Variants in IQCM observed in about 807,000 individuals in gnomAD.
IQCM encodes the protein IQ motif containing M, also known as IQ domain-containing protein M.
A neutral mutation model predicts 57.6 loss-of-function variants in IQCM; 45 were observed. The observed-to-expected ratio is 0.78, with a 90% CI of 0.62 to 1.00. IQCM has a LOEUF of 1.00. Ranked by LOEUF, IQCM falls within the 50% of genes least tolerant of loss-of-function variation. The pLI is 0.00. For synonymous variants in IQCM, 148 were observed against 158.9 expected (o/e 0.93, Z 0.51); for missense variants, 468 against 511.6 (o/e 0.91, Z 0.82).
At position 149,777,200 on chromosome 4, in the gene IQCM, C is replaced by G. The variant is rs564273548; in HGVS notation, c.-48-34461G>C. 3.3e-5 allele frequency among the ~76,000 whole-genome samples: 5 copies of G among 152,248 alleles called. 1 individual carries two copies. Among genetic ancestry groups the G allele is most frequent in the African/African-American group, 1.2e-4 (5 of 41,540 alleles). The stretch of plus-strand genomic sequence containing the variant: ...AAAGAGACTGTCTGAAATTCTGCAC[C>G]TCATCTTTGACCACTGGCAGCAAAT... On this transcript the variant is annotated intron_variant, in intron 2 of 13. Coordinates refer to ENST00000636793, the MANE Select transcript of IQCM (RefSeq NM_001363507.2).
At chr4:149,776,330 A>G (rs1404589749) in intron 2 of IQCM, among the ~76,000 whole-genome samples, 2 of 152,060 alleles carry the variant, frequency 1.3e-5, no homozygotes, top group Non-Finnish European at 2.9e-5. Context: ...TACTATCCCC[A>G]CTTTTAGATG....
intron 8 of IQCM, among the ~76,000 whole-genome samples, chr4:149,617,461 T>C (rs1466262413): frequency 6.6e-6 from 1 of 152,148 alleles, no homozygotes; most frequent in Non-Finnish European, 1.5e-5. Flanking sequence ...CTCTCATATT[T>C]ATTCAGACAC....
At chr4:149,516,856 A>G (rs930557791) in intron 12 of IQCM, among the ~76,000 whole-genome samples, 2 of 151,952 alleles carry the variant, frequency 1.3e-5, no homozygotes, top group African/African-American at 4.8e-5. Flanking sequence ...GGTCACTTCC[A>G]CCTTTAAGTC....
In IQCM at chr4:149,546,390, G is replaced by A. The variant is rs561895299; in HGVS notation, c.1228+2065C>T. Among the ~76,000 whole-genome samples, 21 of 152,230 alleles carry A rather than the reference G, an allele frequency of 1.4e-4. No individual in the cohort carries two copies. In the South Asian group the frequency reaches 1.7e-3, roughly 12 times the overall value. ...TCTAGTTCTAGATCCCTGAGGAATC[G>A]CCACACTGTCTTCCACAATGGTTGA... On this transcript the variant is annotated intron_variant, in intron 12 of 13. Coordinates refer to ENST00000636793, the MANE Select transcript of IQCM (RefSeq NM_001363507.2).
intron 2 of IQCM, among the ~76,000 whole-genome samples, chr4:149,746,913 C>A (rs1309257541): frequency 1.3e-5 from 2 of 152,156 alleles, no homozygotes; most frequent in Non-Finnish European, 2.9e-5. Flanking sequence ...GAGTCTAGAC[C>A]AGGCCACTTC....
At chr4:149,362,144 T>C (rs1327751388) in intron 13 of IQCM, among the ~76,000 whole-genome samples, 3 of 152,172 alleles carry the variant, frequency 2.0e-5, no homozygotes, top group East Asian at 1.9e-4. Flanking sequence ...ATTTCTCCCA[T>C]ATGGGATGGT....
intron 8 of IQCM, among the ~76,000 whole-genome samples, chr4:149,616,091 C>A (rs1755767909): frequency 6.6e-6 from 1 of 151,946 alleles, no homozygotes; most frequent in Admixed American, 6.6e-5. Context: ...TAGCATTACA[C>A]TTCTGGGTAC....
At chr4:149,806,240 C>T (rs1444438319) in intron 2 of IQCM, among the ~76,000 whole-genome samples, 1 of 151,606 alleles carries the variant, frequency 6.6e-6, no homozygotes, top group Non-Finnish European at 1.5e-5. Context: ...GATTATTTTT[C>T]CAGGATATTA....
intron 7 of IQCM, among the ~76,000 whole-genome samples, chr4:149,637,352 A>G (rs1393273996): frequency 6.6e-6 from 1 of 152,114 alleles, no homozygotes; most frequent in Non-Finnish European, 1.5e-5. Flanking sequence ...GTACACTCAA[A>G]CTATAGAACA....
At chr4:149,769,703 T>G (rs2149984202) in intron 2 of IQCM, among the ~76,000 whole-genome samples, 1 of 151,948 alleles carries the variant, frequency 6.6e-6, no homozygotes, top group East Asian at 1.9e-4. Flanking sequence ...TTCATAATAA[T>G]AAAGGGGTCA....
intron 13 of IQCM, among the ~76,000 whole-genome samples, chr4:149,386,698 T>C (rs1731451481): frequency 6.6e-6 from 1 of 152,080 alleles, no homozygotes; most frequent in South Asian, 2.1e-4. Flanking sequence ...TCTAAGTCTC[T>C]TAATCTGAAC....
Position 149,750,668 on chromosome 4 carries a change from C to A in IQCM, c.-48-7929G>T, listed in dbSNP as rs1229344398. 2.6e-5 allele frequency among the ~76,000 whole-genome samples: 4 copies of A among 152,288 alleles called. No individual in the cohort carries two copies. The East Asian group carries it at 5.8e-4, about 22-fold the overall frequency. On this transcript the variant is annotated intron_variant, in intron 2 of 13. Transcript: ENST00000636793. ...AACAGTGCTGTTATAAAAGTACATT[C>A]TCCCAGTTATTAATCTCACATGCCT...
chr4:149,637,639 C>G (rs1757841031), intron 7 of IQCM, among the ~76,000 whole-genome samples: 1 of 152,084 alleles, frequency 6.6e-6, no homozygotes, highest in African/African-American at 2.4e-5. Context: ...TAATATAAAG[C>G]TACAGTATTA....
chr4:149,815,059 G>T (rs774817665), intron 2 of IQCM, among the ~76,000 whole-genome samples: 32 of 151,992 alleles, frequency 2.1e-4, no homozygotes, highest in Non-Finnish European at 3.4e-4. Context: ...TCTCAAATAA[G>T]TGGTGGTCTC....
At chr4:149,492,207 C>T (rs1184473756) in intron 12 of IQCM, among the ~76,000 whole-genome samples, 1 of 152,008 alleles carries the variant, frequency 6.6e-6, no homozygotes, top group Non-Finnish European at 1.5e-5. Flanking sequence ...ATAGGGTTTT[C>T]TCTTTACAGT....
chr4:149,774,830 C>T (rs1170703886), intron 2 of IQCM, among the ~76,000 whole-genome samples: 1 of 151,004 alleles, frequency 6.6e-6, no homozygotes, highest in Non-Finnish European at 1.5e-5. Flanking sequence ...CTGCCTTTCC[C>T]AGGAGGAAAG....
chr4:149,354,093 G>T (rs570374352), intron 13 of IQCM, among the ~76,000 whole-genome samples: 2 of 151,824 alleles, frequency 1.3e-5, no homozygotes, highest in Non-Finnish European at 2.9e-5. Flanking sequence ...GGCCAGGCGC[G>T]GTGGCTCACG....
chr4:149,806,639 T>A lies in IQCM; in HGVS notation c.-49+8672A>T, dbSNP rs1011038304. On this transcript the variant is annotated intron_variant, in intron 2 of 13. Transcript: ENST00000636793. ...TAATGAACTTTTATAAGTAAGTCCC[T>A]GGTTACATTTTATTAAATAATAGCT... 1.7e-4 allele frequency among the ~76,000 whole-genome samples: 26 copies of A among 152,114 alleles called. 1 individual carries two copies. Among genetic ancestry groups the A allele is most frequent in the African/African-American group, 6.0e-4 (25 of 41,574 alleles).
chr4:149,613,822 T>C (rs1404412323), intron 8 of IQCM, among the ~76,000 whole-genome samples: 2 of 152,080 alleles, frequency 1.3e-5, no homozygotes, highest in African/African-American at 4.8e-5. Flanking sequence ...ATGCGGTGTT[T>C]GGTTTTTTGT....
Sources: allele counts gnomAD v4.1 joint callset (sites outside exome capture counted in the v4.1 genomes callset), GRCh38; gene constraint gnomAD v4.1.1; transcripts MANE v1.5; gene names NCBI Gene and HGNC (gene_info 2026-07-23, HGNC 2026-07-21).